Variants in HYPK observed in about 807,000 individuals in gnomAD.
The protein encoded by HYPK is huntingtin interacting protein K.
A neutral mutation model predicts 13.9 loss-of-function variants in HYPK; 9 were observed. The ratio of observed to expected loss-of-function variants is 0.65; its 90% CI spans 0.39 to 1.13. The LOEUF (loss-of-function observed/expected upper bound fraction) is 1.13. HYPK is among the 50% of genes most tolerant of loss of function. The pLI is 0.01. For missense variants in HYPK, 138 were observed against 157.6 expected, an observed-to-expected ratio of 0.88 and a Z score of 0.67; for synonymous variants, 76 against 57.0, an observed-to-expected ratio of 1.33 and a Z score of -1.50.
rs372106020 is a variant in HYPK, at chr15:43,801,784, C to A, written c.344C>A (p.Ala115Glu). The A allele has an allele frequency of 6.2e-6, 10 of 1,614,138 alleles. No homozygotes were observed. The highest frequency in any genetic ancestry group is 7.6e-6 in the Non-Finnish European group (9 of 1,179,966). Residue 115 changes from alanine (A) to glutamate (E), a missense_variant, in exon 4 of 4, where the codon GCG (alanine) becomes GAG (glutamate). Ala to Glu is a moderately radical substitution (Grantham distance 107). Coordinates refer to ENST00000442995, the MANE Select transcript of HYPK (RefSeq NM_016400.4). ...GAACACATGGGCAACGTGGTAGAGG[C>A]GCTTATTGCCCTAACCAACTGATGC... ...LREHMGNVVE[A>E]LIALTN
chr15:43,800,602 C>G lies in HYPK; in HGVS notation c.-21C>G. ...AAGTCGGCGTGAGGTGGGGCTTATG[C>G]GGCGGCGTGGTGAAATAGATATGGC... On this transcript the variant is annotated 5_prime_UTR_variant, in exon 1 of 4. Transcript: ENST00000442995. 6.2e-7 allele frequency: 1 copy of G among 1,613,472 alleles called. No individual in the cohort carries two copies. Among genetic ancestry groups the G allele is most frequent in the Non-Finnish European group, 8.5e-7 (1 of 1,179,788 alleles).
upstream of HYPK, chr15:43,800,425 A>G (rs75056397): frequency 2.9e-3 from 2,114 of 731,502 alleles, 32 homozygotes; most frequent in African/African-American, 0.033. Context: ...GGTCTGAGAG[A>G]AGGCCTCGCA....
intron 1 of HYPK, 89 bp downstream of exon 1, chr15:43,800,873 T>TCAGAACCCCG: frequency 7.7e-7 from 1 of 1,296,260 alleles, no homozygotes; most frequent in Non-Finnish European, 1.1e-6. Flanking sequence ...CAAGACGGGG[T>TCAGAACCCCG]TCTGATCCCG....
chr15:43,803,453 T>C lies in HYPK; in HGVS notation c.*1647T>C, dbSNP rs1256590326. 6.6e-6 allele frequency among the ~76,000 whole-genome samples: 1 copy of C among 152,084 alleles called. No individual in the cohort carries two copies. Among genetic ancestry groups the C allele is most frequent in the African/African-American group, 2.4e-5 (1 of 41,408 alleles). On this transcript the variant is annotated 3_prime_UTR_variant, in exon 4 of 4. Transcript: ENST00000442995. ...TCAAATTCTAAGCCATAATACATTCTACATGCCATTTCCTATCCTAGAGAG... is the reference window on the plus strand; with the variant it reads ...TCAAATTCTAAGCCATAATACATTCCACATGCCATTTCCTATCCTAGAGAG...
chr15:43,801,836 T>G lies in HYPK; in HGVS notation c.*30T>G. The G allele has an allele frequency of 6.3e-7, 1 of 1,596,692 alleles. No individual in the cohort carries two copies. The highest frequency in any genetic ancestry group is 1.3e-5 in the African/African-American group (1 of 74,530). On this transcript the variant is annotated 3_prime_UTR_variant, in exon 4 of 4. Transcript: ENST00000442995. ...TGCTTTCTCAAATATACCTACTGGATTAATTTATGGCAATAAAATTTTTTT... is the reference window on the plus strand; with the variant it reads ...TGCTTTCTCAAATATACCTACTGGAGTAATTTATGGCAATAAAATTTTTTT...
Position 43,801,896 on chromosome 15 carries a change from A to G in HYPK, c.*90A>G, listed in dbSNP as rs2087322466. Reference sequence around the variant, plus strand: ...TCAGTTTTATCATCTTGGGTCAAGTAGAGTGTATACTATATCCTATGTTGT... The same window carrying G: ...TCAGTTTTATCATCTTGGGTCAAGTGGAGTGTATACTATATCCTATGTTGT... On this transcript the variant is annotated 3_prime_UTR_variant, in exon 4 of 4. Coordinates refer to ENST00000442995, the MANE Select transcript of HYPK (RefSeq NM_016400.4). The G allele has an allele frequency of 6.1e-6, 6 of 986,026 alleles. No individual in the cohort carries two copies. The highest frequency in any genetic ancestry group is 9.6e-6 in the Non-Finnish European group (6 of 624,778). The allele number at this position is 986,026 out of a possible 1,614,324, so 61.1% of individuals were successfully genotyped here.
chr15:43,803,828 A>AC lies in HYPK; in HGVS notation c.*2023dup, dbSNP rs1272577143. ...AAAAAATCAGCTTGGACCAACTCAC[A>AC]CATGTTGAACTAGTTTCCTCAACTA... On this transcript the variant is annotated 3_prime_UTR_variant, in exon 4 of 4. Coordinates refer to ENST00000442995, the MANE Select transcript of HYPK (RefSeq NM_016400.4). 1.3e-5 allele frequency among the ~76,000 whole-genome samples: 2 copies of AC among 150,594 alleles called. No homozygotes were observed. Among genetic ancestry groups the AC allele is most frequent in the Non-Finnish European group, 2.9e-5 (2 of 67,836 alleles).
In HYPK at chr15:43,800,630, C is replaced by G. The variant is rs764480404; in HGVS notation, c.8C>G (p.Thr3Ser). The G allele has an allele frequency of 6.2e-7, 1 of 1,613,880 alleles. No individual in the cohort carries two copies. Among genetic ancestry groups the G allele is most frequent in the Non-Finnish European group, 8.5e-7 (1 of 1,179,994 alleles). The change falls in exon 1 of 4, where the codon ACC (threonine) becomes AGC (serine). Residue 3 changes from threonine to serine, a missense_variant. Coordinates refer to ENST00000442995, the MANE Select transcript of HYPK (RefSeq NM_016400.4). ...CGGCGTGGTGAAATAGATATGGCGA[C>G]CGAGGGGGATGTGGAGCTGGAGTTG... MA[T>S]EGDVELELET... is the part of the protein sequence containing the mutation.
chr15:43,800,710 A>T lies in HYPK; in HGVS notation c.88A>T (p.Ser30Cys). The change falls in exon 1 of 4, where the codon AGC becomes TGC. Residue 30 changes from serine to cysteine, a missense_variant. Coordinates refer to ENST00000442995, the MANE Select transcript of HYPK (RefSeq NM_016400.4). The part of the protein sequence containing the change: ...RPPEKPRKHD[S>C]GAADLERVTD... The stretch of plus-strand genomic sequence containing the variant: ...TCCGGAGAAGCCACGGAAACATGAC[A>T]GCGGTGCGGCGGACTTGGAGCGGGT... 1.2e-6 allele frequency: 2 copies of T among 1,614,056 alleles called. No individual in the cohort carries two copies. The highest frequency in any genetic ancestry group is 1.1e-5 in the South Asian group (1 of 91,042).
chr15:43,801,232 G>T (rs1338659023), intron 2 of HYPK, 45 bp downstream of exon 2: 1 of 1,504,432 alleles, frequency 6.6e-7, no homozygotes, highest in Non-Finnish European at 9.3e-7. Context: ...TTCCCTCCCC[G>T]GTCCCCAGAC....
In HYPK at chr15:43,800,797, A is replaced by G. The variant is rs1482387166; in HGVS notation, c.162+13A>G. 6.3e-7 allele frequency: 1 copy of G among 1,599,460 alleles called. No homozygotes were observed. The highest frequency in any genetic ancestry group is 8.5e-7 in the Non-Finnish European group (1 of 1,171,084). On this transcript the variant is annotated intron_variant, in intron 1 of 3. Transcript: ENST00000442995. Reference sequence around the variant, plus strand: ...CAATCTGGAGACGGTAAGGTTGGCCAAGAGCATGTCGGGGCGGGCTGAGAG... The same window carrying G: ...CAATCTGGAGACGGTAAGGTTGGCCGAGAGCATGTCGGGGCGGGCTGAGAG...
Position 43,800,827 on chromosome 15 carries a change from G to C in HYPK, c.162+43G>C, listed in dbSNP as rs1328296979. 6 of 1,525,794 alleles carry C rather than the reference G, an allele frequency of 3.9e-6. No homozygotes were observed. In the African/African-American group the frequency reaches 4.1e-5, roughly 10 times the overall value. The allele number at this position is 1,525,794 out of a possible 1,614,324, so 94.5% of individuals were successfully genotyped here. A position where few individuals can be genotyped will look rare whatever the true frequency, so the allele number is the denominator to read the frequency against. Reference sequence around the variant, plus strand: ...CATGTCGGGGCGGGCTGAGAGCAGAGGGGGGCTCTGAGGCTGTAGCTGGAA... The same window carrying C: ...CATGTCGGGGCGGGCTGAGAGCAGACGGGGGCTCTGAGGCTGTAGCTGGAA... On this transcript the variant is annotated intron_variant, in intron 1 of 3. Coordinates refer to ENST00000442995, the MANE Select transcript of HYPK (RefSeq NM_016400.4).
rs1405229708 is a variant in HYPK, at chr15:43,803,215, C to G, written c.*1409C>G. 2.0e-5 allele frequency among the ~76,000 whole-genome samples: 3 copies of G among 150,220 alleles called. No homozygotes were observed. The highest frequency in any genetic ancestry group is 3.0e-5 in the Non-Finnish European group (2 of 67,604). On this transcript the variant is annotated 3_prime_UTR_variant, in exon 4 of 4. Transcript: ENST00000442995. ...ACCAGCCTGGGCAACATAGCATGACCTTGTCTCTACTAAAATTAAAAAAAA... is the reference window on the plus strand; with the variant it reads ...ACCAGCCTGGGCAACATAGCATGACGTTGTCTCTACTAAAATTAAAAAAAA...
rs35814039 is a variant in HYPK, at chr15:43,803,788, CAAAAAAAAA to C, written c.*1994_*2002del. Among the ~76,000 whole-genome samples the C allele has an allele frequency of 9.8e-6, 1 of 102,382 alleles. No individual in the cohort carries two copies. The highest frequency in any genetic ancestry group is 3.2e-4 in the South Asian group (1 of 3,148). The allele number at this position is 102,382 out of a possible 152,430, so 67.2% of individuals were successfully genotyped here. On this transcript the variant is annotated 3_prime_UTR_variant, in exon 4 of 4. Coordinates refer to ENST00000442995, the MANE Select transcript of HYPK (RefSeq NM_016400.4). ...GGGCAACAAGAGTGAAACTCCATCT[CAAAAAAAAA>C]AAAAAAAAAAATCAGCTTGGACCAA... is the stretch of plus-strand genomic sequence containing the variant.
At chr15:43,801,005 C>A (rs2087307218) in intron 1 of HYPK, 127 bp from the exon 2 acceptor site, 9 of 937,756 alleles carry the variant, frequency 9.6e-6, no homozygotes, top group Non-Finnish European at 1.5e-5. Flanking sequence ...TGGAATTAAA[C>A]ATAGTCCTTG....
At position 43,804,396 on chromosome 15, in the gene HYPK, TGGTCATGGAATAAATCCA is replaced by T. The variant is rs1259634367; in HGVS notation, c.*2592_*2609del. 6.6e-6 allele frequency: 1 copy of T among 152,198 alleles called. No individual in the cohort carries two copies. The highest frequency in any genetic ancestry group is 2.4e-5 in the African/African-American group (1 of 41,440). The allele number at this position is 152,198 out of a possible 1,614,324, so 9.4% of individuals were successfully genotyped here. A position where few individuals can be genotyped will look rare whatever the true frequency, so the allele number is the denominator to read the frequency against. On this transcript the variant is annotated 3_prime_UTR_variant, in exon 4 of 4. Transcript: ENST00000442995. ...TGGTCTTCTCAAAAACATCTGTATTTGGTCATGGAATAAATCCAGATGCTACCTAAAGCCAAGCTAGTA... is the reference window on the plus strand; with the variant it reads ...TGGTCTTCTCAAAAACATCTGTATTTGATGCTACCTAAAGCCAAGCTAGTA...
rs1596050922 is a variant in HYPK at position 43,800,739 on chromosome 15, C to T, written c.117C>T (p.Thr39=). Residue 39 remains threonine, a synonymous_variant, in exon 1 of 4, where the codon ACC becomes ACT. Transcript: ENST00000442995. ...GTGCGGCGGACTTGGAGCGGGTCACCGACTATGCAGAGGAGAAGGAGATCC... is the reference window on the plus strand; with the variant it reads ...GTGCGGCGGACTTGGAGCGGGTCACTGACTATGCAGAGGAGAAGGAGATCC... ...DSGAADLERV[T]DYAEEKEIQS... 3 of 1,613,706 alleles carry T rather than the reference C, an allele frequency of 1.9e-6. No homozygotes were observed. The highest frequency in any genetic ancestry group is 4.5e-5 in the East Asian group (2 of 44,868).
chr15:43,800,844 T>C, intron 1 of HYPK, 60 bp downstream of exon 1: 1 of 1,454,288 alleles, frequency 6.9e-7, no homozygotes, highest in South Asian at 1.3e-5. Context: ...TCTGAGGCTG[T>C]AGCTGGAAGC....
chr15:43,803,516 G>A lies in HYPK; in HGVS notation c.*1710G>A, dbSNP rs1032500169. On this transcript the variant is annotated 3_prime_UTR_variant, in exon 4 of 4. Coordinates refer to ENST00000442995, the MANE Select transcript of HYPK (RefSeq NM_016400.4). ...CTTTAAAGGTTAATCAGGGCCGGGC[G>A]TGGTGGCGCATGCCTATAATCCCAG... is the stretch of plus-strand genomic sequence containing the variant. Among the ~76,000 whole-genome samples, 2 of 152,166 alleles carry A rather than the reference G, an allele frequency of 1.3e-5. No homozygotes were observed. Among genetic ancestry groups the A allele is most frequent in the Admixed American group, 6.6e-5 (1 of 15,258 alleles).
Sources: gnomAD v4.1 joint callset for allele counts (sites outside exome capture counted in the v4.1 genomes callset) on GRCh38, gnomAD v4.1.1 for gene constraint, MANE v1.5 for transcripts, NCBI Gene and HGNC (gene_info 2026-07-23, HGNC 2026-07-21) for gene names.